The following BCL3 variants were observed in gnomAD, a reference collection of about 807,000 sequenced individuals.
BCL3 encodes B-cell lymphoma 3 protein.
Under a neutral mutation model 35.7 loss-of-function variants are expected in BCL3, and 15 were observed. The ratio of observed to expected loss-of-function variants is 0.42; its 90% CI spans 0.28 to 0.65. The LOEUF is 0.65. Among genes scored for constraint, BCL3 ranks in the 30% least tolerant of loss-of-function variants. The pLI, the probability that BCL3 is intolerant of heterozygous loss-of-function variation, is 0.22. For synonymous variants in BCL3, 311 were observed against 284.3 expected, an observed-to-expected ratio of 1.09 and a Z score of -0.95; for missense variants, 565 against 641.7, an observed-to-expected ratio of 0.88 and a Z score of 1.29.
chr19:44,754,143 T>A (rs1967235587), intron 2 of BCL3, among the ~76,000 whole-genome samples: 1 of 152,116 alleles, frequency 6.6e-6, no homozygotes, highest in Non-Finnish European at 1.5e-5. Context: ...CAAGGTAGTT[T>A]GGGATCCTGG....
Position 44,758,861 on chromosome 19 carries a change from CT to C in BCL3, c.1177+21del. 1 of 1,555,256 alleles carries C rather than the reference CT, an allele frequency of 6.4e-7. No homozygotes were observed. Among genetic ancestry groups the C allele is most frequent in the Non-Finnish European group, 8.7e-7 (1 of 1,151,296 alleles). ...CCAATGGTGAGAAACCGTTCCCAAC[CT>C]CCAGCCCTGGCGCCTCCTCCCTCAG... On this transcript the variant is annotated intron_variant, in intron 8 of 8. Coordinates refer to ENST00000164227, the MANE Select transcript of BCL3 (RefSeq NM_005178.5).
Position 44,748,812 on chromosome 19 carries a change from G to A in BCL3, c.22G>A (p.Ala8Thr), listed in dbSNP as rs1480070988. Residue 8 changes from alanine (A) to threonine (T), a missense_variant, in exon 1 of 9, where the codon GCC (alanine) becomes ACC (threonine). By Grantham distance (58) the Ala-to-Thr change is moderately conservative (BLOSUM62 0). Coordinates refer to ENST00000164227, the MANE Select transcript of BCL3 (RefSeq NM_005178.5). ...CCCCATGCCCCGATGCCCCGCGGGG[G>A]CCATGGACGAGGGGCCCGTGGACCT... MPRCPAG[A>T]MDEGPVDLRT... The A allele has an allele frequency of 8.8e-5, 97 of 1,108,568 alleles. No individual in the cohort carries two copies. Among genetic ancestry groups the A allele is most frequent in the Non-Finnish European group, 1.0e-4 (91 of 909,868 alleles). 68.7% of individuals were successfully genotyped at this position (1,108,568 alleles called of 1,614,324 possible). A position where few individuals can be genotyped will look rare whatever the true frequency, so the allele number is the denominator to read the frequency against.
Position 44,757,513 on chromosome 19 carries a change from C to T in BCL3, c.813+98C>T. 7.0e-7 allele frequency: 1 copy of T among 1,433,638 alleles called. No homozygotes were observed. The highest frequency in any genetic ancestry group is 2.0e-5 in the Admixed American group (1 of 50,626). 88.8% of individuals were successfully genotyped at this position (1,433,638 alleles called of 1,614,324 possible). On this transcript the variant is annotated intron_variant, in intron 5 of 8. Transcript: ENST00000164227. This position sits in a 1 kb window ranked among gnomAD's most constrained non-coding sequence, Gnocchi z 8.4. ...TGTGGGGCTGGCGTGGGAGAGCACCCGGGTGGGGTGGGGCTTGGAGTATCA... is the reference window on the plus strand; with the variant it reads ...TGTGGGGCTGGCGTGGGAGAGCACCTGGGTGGGGTGGGGCTTGGAGTATCA...
Position 44,757,313 on chromosome 19 carries a change from C to T in BCL3, c.725-14C>T, listed in dbSNP as rs377094825. 5.0e-6 allele frequency: 8 copies of T among 1,592,926 alleles called. No individual in the cohort carries two copies. The African/African-American group carries it at 1.1e-4, about 21-fold the overall frequency. On this transcript the variant is annotated splice_polypyrimidine_tract_variant and intron_variant, in intron 4 of 8. Coordinates refer to ENST00000164227, the MANE Select transcript of BCL3 (RefSeq NM_005178.5). The surrounding 1 kb of genome is among the most constrained non-coding windows in gnomAD (Gnocchi z 8.4). ...GCCCGGGCCTAGGTTTCACCGAGCC[C>T]TCCTCTCCCTCAGGGCTCACCGCCC...
At chr19:44,753,536 C>T (rs112822283) in intron 2 of BCL3, among the ~76,000 whole-genome samples, 4 of 152,204 alleles carry the variant, frequency 2.6e-5, no homozygotes, top group Admixed American at 6.5e-5. Flanking sequence ...AGCCTCCCCC[C>T]TCCTGGCGCT....
At position 44,757,677 on chromosome 19, in the gene BCL3, A is replaced by G; in HGVS notation, c.845A>G (p.His282Arg). 6.2e-7 allele frequency: 1 copy of G among 1,613,834 alleles called. No individual in the cohort carries two copies. Among genetic ancestry groups the G allele is most frequent in the Non-Finnish European group, 8.5e-7 (1 of 1,179,882 alleles). Residue 282 changes from histidine (H) to arginine (R), a missense_variant, in exon 6 of 9, where the codon CAC becomes CGC. By Grantham distance (29) the His-to-Arg change is conservative (BLOSUM62 0). Coordinates refer to ENST00000164227, the MANE Select transcript of BCL3 (RefSeq NM_005178.5). This position sits in a 1 kb window ranked among gnomAD's most constrained non-coding sequence, Gnocchi z 8.4. ...DIKSGRSPLIHAVENNSLSMV... is the reference protein window; with the variant it reads ...DIKSGRSPLIRAVENNSLSMV... Reference sequence around the variant, plus strand: ...AAGAGCGGCCGCTCCCCGCTCATCCACGCCGTGGAAAACAACAGCCTTAGC... The same window carrying G: ...AAGAGCGGCCGCTCCCCGCTCATCCGCGCCGTGGAAAACAACAGCCTTAGC...
At chr19:44,758,589 A>G (rs947306162) in intron 7 of BCL3, 135 bp from the exon 8 acceptor site, 3 of 1,261,660 alleles carry the variant, frequency 2.4e-6, no homozygotes, top group African/African-American at 1.5e-5. Context: ...ACTGGCACCA[A>G]GAAAAAAAGT....
intron 1 of BCL3, 147 bp downstream of exon 1, chr19:44,749,193 A>T: frequency 3.3e-6 from 1 of 307,410 alleles, no homozygotes; most frequent in Non-Finnish European, 5.5e-6. Context: ...CCAAGGATAT[A>T]GATATGAGAT....
chr19:44,751,913 T>C (rs916062729), intron 2 of BCL3, among the ~76,000 whole-genome samples: 8 of 152,192 alleles, frequency 5.3e-5, no homozygotes, highest in South Asian at 2.1e-4. Context: ...TAGAACACTA[T>C]TTTTGGAACG....
rs34585458 is a variant in BCL3, at chr19:44,758,315, C to A, written c.961C>A (p.Leu321Ile). 3 of 1,570,372 alleles carry A rather than the reference C, an allele frequency of 1.9e-6. No individual in the cohort carries two copies. Among genetic ancestry groups the A allele is most frequent in the Non-Finnish European group, 2.6e-6 (3 of 1,166,826 alleles). The change falls in exon 7 of 9, where the codon CTC (leucine) becomes ATC (isoleucine). Residue 321 changes from leucine to isoleucine, a missense_variant. Physicochemically the swap from Leu to Ile is conservative, Grantham distance 5. Transcript: ENST00000164227. ...CCTGCACTCAGCGTCCGGCCGCGGGCTCCTCCCGCTGGTGCGCACGCTGGT... is the reference window on the plus strand; with the variant it reads ...CCTGCACTCAGCGTCCGGCCGCGGGATCCTCCCGCTGGTGCGCACGCTGGT... ...SALHSASGRG[L>I]LPLVRTLVRS... is the part of the protein sequence containing the mutation.
chr19:44,751,159 TG>T, intron 1 of BCL3, 67 bp from the exon 2 acceptor site: 6 of 1,547,404 alleles, frequency 3.9e-6, no homozygotes, highest in Non-Finnish European at 4.3e-6. Flanking sequence ...GTTTTAGAAG[TG>T]GGGGGCGGGT....
upstream of BCL3, chr19:44,747,960 C>T: frequency 8.7e-7 from 1 of 1,143,280 alleles, no homozygotes; most frequent in Non-Finnish European, 1.1e-6. Flanking sequence ...CCCCTTTAGA[C>T]CCACAGCTGA....
rs1170777710 is a variant in BCL3, at chr19:44,756,259, T to C, written c.438T>C (p.Gly146=). The change falls in exon 3 of 9, where the codon GGT becomes GGC. Residue 146 remains glycine, a synonymous_variant. Coordinates refer to ENST00000164227, the MANE Select transcript of BCL3 (RefSeq NM_005178.5). Reference sequence around the variant, plus strand: ...CTCTCCATATTGCTGTGGTGCAGGGTAACCTGCCAGCTGTGCACCGGCTGG... The same window carrying C: ...CTCTCCATATTGCTGTGGTGCAGGGCAACCTGCCAGCTGTGCACCGGCTGG... The part of the protein sequence containing the change: ...DTPLHIAVVQ[G]NLPAVHRLVN... 6.5e-7 allele frequency: 1 copy of C among 1,548,124 alleles called. No homozygotes were observed. The highest frequency in any genetic ancestry group is 8.7e-7 in the Non-Finnish European group (1 of 1,144,088).
intron 7 of BCL3, 48 bp from the exon 8 acceptor site, chr19:44,758,676 G>T: frequency 1.4e-6 from 2 of 1,477,892 alleles, no homozygotes. Context: ...ATGGGAGAGA[G>T]GACTGTGAGG....
At chr19:44,752,003 T>C (rs1444390211) in intron 2 of BCL3, among the ~76,000 whole-genome samples, 1 of 152,118 alleles carries the variant, frequency 6.6e-6, no homozygotes, top group Non-Finnish European at 1.5e-5. Context: ...ATTATACATG[T>C]AAAACTATCA....
chr19:44,758,267 C>G lies in BCL3; in HGVS notation c.913C>G (p.Gln305Glu). The change falls in exon 7 of 9, where the codon CAA (glutamine) becomes GAA (glutamate). Residue 305 changes from glutamine to glutamate, a missense_variant. Coordinates refer to ENST00000164227, the MANE Select transcript of BCL3 (RefSeq NM_005178.5). ...GCAGCACGGCGCCAACGTGAACGCG[C>G]AAATGTACTCCGGCAGCTCCGCCCT... ...LLQHGANVNA[Q>E]MYSGSSALHS... 6.6e-7 allele frequency: 1 copy of G among 1,513,364 alleles called. No homozygotes were observed. The highest frequency in any genetic ancestry group is 8.8e-7 in the Non-Finnish European group (1 of 1,140,056). 93.7% of individuals were successfully genotyped at this position (1,513,364 alleles called of 1,614,324 possible). A position where few individuals can be genotyped will look rare whatever the true frequency, so the allele number is the denominator to read the frequency against.
intron 2 of BCL3, chr19:44,755,435 T>C (rs1599841171): frequency 6.6e-6 from 1 of 152,258 alleles, no homozygotes; most frequent in East Asian, 1.9e-4. Flanking sequence ...TTGATTCACA[T>C]GGGGCGTGAC....
At chr19:44,758,679 C>T in intron 7 of BCL3, 45 bp from the exon 8 acceptor site, 1 of 1,491,320 alleles carries the variant, frequency 6.7e-7, no homozygotes, top group Non-Finnish European at 9.2e-7. Context: ...GGAGAGAGGA[C>T]TGTGAGGCAT....
chr19:44,758,698 C>G, intron 7 of BCL3, 26 bp from the exon 8 acceptor site: 1 of 1,559,622 alleles, frequency 6.4e-7, no homozygotes, highest in Non-Finnish European at 8.7e-7. Context: ...ATGGGTGGCT[C>G]TATGGTCACG....
Sources: allele counts gnomAD v4.1 joint callset (sites outside exome capture counted in the v4.1 genomes callset), GRCh38; gene constraint gnomAD v4.1.1; non-coding constraint Gnocchi (gnomAD v3.1); transcripts MANE v1.5; gene names NCBI Gene and HGNC (gene_info 2026-07-23, HGNC 2026-07-21).